ADCY2: variants seen among roughly 807,000 people sequenced by gnomAD.
The protein encoded by ADCY2 is adenylate cyclase type 2.
Under a neutral mutation model 125.2 loss-of-function variants are expected in ADCY2, and 31 were observed. The ratio of observed to expected loss-of-function variants is 0.25; its 90% CI spans 0.19 to 0.33. The LOEUF is 0.33. ADCY2 is among the 10% of genes least tolerant of loss of function. The pLI is 1.00. For missense variants in ADCY2, 904 were observed against 1,418.2 expected (o/e 0.64, Z 5.82); for synonymous variants, 512 against 548.4 (o/e 0.93, Z 0.93).
chr5:7,780,817 G>T (rs1336010419), intron 18 of ADCY2, among the ~76,000 whole-genome samples: 1 of 149,806 alleles, frequency 6.7e-6, no homozygotes, highest in African/African-American at 2.4e-5. Context: ...TTTGCCTTCA[G>T]GTTAGAGGCT....
Position 7,654,097 on chromosome 5 carries a change from A to G in ADCY2, c.720+27781A>G, listed in dbSNP as rs138734400. Reference sequence around the variant, plus strand: ...CATTTACCACCCTGAGGCTGGGCGCAGTCACCACGGGACTCCTGACATTCA... The same window carrying G: ...CATTTACCACCCTGAGGCTGGGCGCGGTCACCACGGGACTCCTGACATTCA... On this transcript the variant is annotated intron_variant, in intron 4 of 24. Coordinates refer to ENST00000338316, the MANE Select transcript of ADCY2 (RefSeq NM_020546.3). The G allele has an allele frequency of 2.0e-4, 93 of 456,240 alleles. 2 individuals carry two copies. In the East Asian group the frequency reaches 5.8e-3, roughly 28 times the overall value. The allele number at this position is 456,240 out of a possible 1,614,324, so 28.3% of individuals were successfully genotyped here. A position where few individuals can be genotyped will look rare whatever the true frequency, so the allele number is the denominator to read the frequency against.
intron 17 of ADCY2, among the ~76,000 whole-genome samples, chr5:7,767,536 T>C (rs971699732): frequency 2.6e-5 from 4 of 152,214 alleles, no homozygotes; most frequent in African/African-American, 9.6e-5. Flanking sequence ...GGGAACTATT[T>C]TGGGGACTGA....
chr5:7,748,979 C>T (rs1439798530), intron 15 of ADCY2, among the ~76,000 whole-genome samples: 1 of 152,096 alleles, frequency 6.6e-6, no homozygotes, highest in African/African-American at 2.4e-5. Flanking sequence ...ATAGTAGAAG[C>T]AGGTTGCAGA....
intron 16 of ADCY2, among the ~76,000 whole-genome samples, chr5:7,762,967 T>C (rs1743271163): frequency 6.9e-6 from 1 of 145,920 alleles, no homozygotes; most frequent in African/African-American, 2.6e-5. Flanking sequence ...ATAGCCTCAA[T>C]CATGTCCTCA....
At chr5:7,468,405 A>G (rs1279078797) in intron 2 of ADCY2, among the ~76,000 whole-genome samples, 1 of 152,200 alleles carries the variant, frequency 6.6e-6, no homozygotes, top group Admixed American at 6.5e-5. Flanking sequence ...AGGAGAGAAG[A>G]AAAAGCATTC....
intron 24 of ADCY2, chr5:7,826,465 G>T: frequency 1.7e-6 from 1 of 576,124 alleles, no homozygotes. Flanking sequence ...CATCATGGTA[G>T]CACCGTAGTT....
chr5:7,404,326 G>A (rs1355706420), intron 1 of ADCY2, among the ~76,000 whole-genome samples: 3 of 151,862 alleles, frequency 2.0e-5, no homozygotes, highest in African/African-American at 7.3e-5. Context: ...CTTCTTTTGT[G>A]TGTGTTTTTA....
chr5:7,396,583 C>G lies in ADCY2; in HGVS notation c.210+77C>G, dbSNP rs1286750267. 15 of 1,296,782 alleles carry G rather than the reference C, an allele frequency of 1.2e-5. No individual in the cohort carries two copies. Among genetic ancestry groups the G allele is most frequent in the African/African-American group, 1.7e-5 (1 of 57,700 alleles). The allele number at this position is 1,296,782 out of a possible 1,614,324, so 80.3% of individuals were successfully genotyped here. A position where few individuals can be genotyped will look rare whatever the true frequency, so the allele number is the denominator to read the frequency against. ...GAGCCCGGCCAGCCGAGCCGCGTCCCGCTCCGGGCTGCCCCTCGGCCCGCG... is the reference window on the plus strand; with the variant it reads ...GAGCCCGGCCAGCCGAGCCGCGTCCGGCTCCGGGCTGCCCCTCGGCCCGCG... On this transcript the variant is annotated intron_variant, in intron 1 of 24. Coordinates refer to ENST00000338316, the MANE Select transcript of ADCY2 (RefSeq NM_020546.3). The surrounding 1 kb of genome is among the most constrained non-coding windows in gnomAD (Gnocchi z 5.7).
At chr5:7,680,378 T>C (rs1426200122) in intron 4 of ADCY2, among the ~76,000 whole-genome samples, 1 of 152,166 alleles carries the variant, frequency 6.6e-6, no homozygotes, top group Non-Finnish European at 1.5e-5. Context: ...TGAGAAACCA[T>C]GGTTTAGAGT....
intron 2 of ADCY2, among the ~76,000 whole-genome samples, chr5:7,479,478 A>G (rs533299797): frequency 2.0e-5 from 3 of 152,216 alleles, no homozygotes; most frequent in East Asian, 1.9e-4. Flanking sequence ...ATAGGTATAT[A>G]TATTTATGGG....
chr5:7,746,460 G>T (rs1742630591), intron 15 of ADCY2: 1 of 152,090 alleles, frequency 6.6e-6, no homozygotes, highest in South Asian at 2.1e-4. Context: ...AAATATATTG[G>T]TGTACAGCCA....
chr5:7,409,924 G>C lies in ADCY2; in HGVS notation c.211-4649G>C, dbSNP rs539725201. Reference sequence around the variant, plus strand: ...TCCTTTCACACCTCATGGTAAAATGGAGTATGACTATGTATGTAGATAAGA... The same window carrying C: ...TCCTTTCACACCTCATGGTAAAATGCAGTATGACTATGTATGTAGATAAGA... On this transcript the variant is annotated intron_variant, in intron 1 of 24. Transcript: ENST00000338316. Among the ~76,000 whole-genome samples the C allele has an allele frequency of 2.6e-5, 4 of 152,220 alleles. No homozygotes were observed. In the South Asian group the frequency reaches 8.3e-4, roughly 32 times the overall value.
intron 3 of ADCY2, among the ~76,000 whole-genome samples, chr5:7,569,988 A>T (rs1736020900): frequency 9.6e-6 from 1 of 103,800 alleles, no homozygotes; most frequent in African/African-American, 2.8e-5. Context: ...AGTGCAAGGG[A>T]CCTTACATAT....
chr5:7,567,001 A>G (rs1199789631), intron 3 of ADCY2, among the ~76,000 whole-genome samples: 1 of 152,206 alleles, frequency 6.6e-6, no homozygotes, highest in African/African-American at 2.4e-5. Context: ...TATATTGCCA[A>G]TTCATCACTT....
chr5:7,615,674 A>G (rs2126648219), intron 3 of ADCY2, among the ~76,000 whole-genome samples: 1 of 152,310 alleles, frequency 6.6e-6, no homozygotes, highest in Middle Eastern at 3.4e-3. Flanking sequence ...GCACTCCAGG[A>G]TATTATAAAA....
intron 20 of ADCY2, chr5:7,793,707 AAAG>A (rs1167221719): frequency 3.9e-5 from 6 of 152,238 alleles, no homozygotes; most frequent in Non-Finnish European, 8.8e-5. Context: ...TTTGTCAAAT[AAAG>A]AAGGTGAACC....
rs552221452 is a variant in ADCY2 at position 7,558,157 on chromosome 5, A to T, written c.570+37258A>T. The stretch of plus-strand genomic sequence containing the variant: ...AACCCCTGCCACCCGGGTTTAAGTG[A>T]TTCTTGTGCCTCAACCTCCACAGTA... On this transcript the variant is annotated intron_variant, in intron 3 of 24. Transcript: ENST00000338316. Among the ~76,000 whole-genome samples the T allele has an allele frequency of 4.0e-5, 6 of 151,476 alleles. No individual in the cohort carries two copies. The South Asian group carries it at 1.3e-3, about 32-fold the overall frequency.
intron 23 of ADCY2, among the ~76,000 whole-genome samples, chr5:7,817,920 T>C (rs1231980458): frequency 6.6e-6 from 1 of 151,916 alleles, no homozygotes; most frequent in African/African-American, 2.4e-5. Context: ...TTTAAGTTGA[T>C]TTTTTTTAGC....
At chr5:7,520,658 C>A in intron 2 of ADCY2, 80 bp from the exon 3 acceptor site, 1 of 1,505,534 alleles carries the variant, frequency 6.6e-7, no homozygotes. Flanking sequence ...TTCTATGCAG[C>A]CTTTAGTGGC....
Sources: allele counts gnomAD v4.1 joint callset (sites outside exome capture counted in the v4.1 genomes callset), GRCh38; gene constraint gnomAD v4.1.1; non-coding constraint Gnocchi (gnomAD v3.1); transcripts MANE v1.5; gene names NCBI Gene and HGNC (gene_info 2026-07-23, HGNC 2026-07-21).